The following SHB variants were observed in gnomAD, a reference collection of about 807,000 sequenced individuals.
SHB encodes SH2 domain-containing adapter protein B.
Under a neutral mutation model 52.3 loss-of-function variants are expected in SHB, and 20 were observed. The ratio of observed to expected loss-of-function variants is 0.38; its 90% CI spans 0.27 to 0.56. The LOEUF is 0.56. SHB is among the 20% of genes least tolerant of loss of function. The probability of loss-of-function intolerance (pLI) is 0.71; values close to 1 mark genes in which losing one functional copy is unlikely to be tolerated. For missense variants in SHB, 825 were observed against 723.3 expected (o/e 1.14, Z -1.61); for synonymous variants, 397 against 316.5 (o/e 1.25, Z -2.70).
chr9:37,948,596 C>T, intron 5 of SHB, 39 bp downstream of exon 5: 1 of 1,607,082 alleles, frequency 6.2e-7, no homozygotes, highest in Non-Finnish European at 8.5e-7. Flanking sequence ...CTCGCAGAGG[C>T]TGCCGAGGAG....
chr9:38,009,103 A>G (rs1347558542), intron 2 of SHB, among the ~76,000 whole-genome samples: 1 of 152,258 alleles, frequency 6.6e-6, no homozygotes, highest in East Asian at 1.9e-4. Flanking sequence ...CTGACACCCA[A>G]GCAAGACTCA....
intron 1 of SHB, among the ~76,000 whole-genome samples, chr9:38,062,085 C>T (rs1821900554): frequency 6.6e-6 from 1 of 152,146 alleles, no homozygotes; most frequent in Non-Finnish European, 1.5e-5. Flanking sequence ...CAGAGGGATG[C>T]AAGAAGAGTA....
chr9:37,954,607 C>T (rs1174964745), intron 4 of SHB, among the ~76,000 whole-genome samples: 3 of 152,140 alleles, frequency 2.0e-5, no homozygotes, highest in Non-Finnish European at 2.9e-5. Flanking sequence ...GGCTGACAAC[C>T]CTTTATTGCA....
In SHB at chr9:37,917,201, G is replaced by C; in HGVS notation, c.*2620C>G. On this transcript the variant is annotated 3_prime_UTR_variant, in exon 6 of 6. Coordinates refer to ENST00000377707, the MANE Select transcript of SHB (RefSeq NM_003028.3). ...CACAATTAGAGGAAGAAGAGGGAGAGGTTCATAAAATTAAGGGAAAAAAAT... is the reference window on the plus strand; with the variant it reads ...CACAATTAGAGGAAGAAGAGGGAGACGTTCATAAAATTAAGGGAAAAAAAT... Among the ~76,000 whole-genome samples the C allele has an allele frequency of 6.6e-6, 1 of 152,124 alleles. No homozygotes were observed. The highest frequency in any genetic ancestry group is 1.9e-4 in the East Asian group (1 of 5,194).
intron 2 of SHB, among the ~76,000 whole-genome samples, chr9:37,977,884 G>C (rs1181413638): frequency 1.3e-5 from 2 of 152,190 alleles, no homozygotes; most frequent in Non-Finnish European, 2.9e-5. Context: ...CACAGTTGAT[G>C]AAGTACTTTT....
chr9:38,000,137 A>G (rs1330704292), intron 2 of SHB, among the ~76,000 whole-genome samples: 1 of 152,198 alleles, frequency 6.6e-6, no homozygotes, highest in East Asian at 1.9e-4. Flanking sequence ...CATCCCTCCC[A>G]CAGGCAGTGG....
chr9:37,920,390 G>A (rs773118157), intron 5 of SHB, among the ~76,000 whole-genome samples: 8 of 152,202 alleles, frequency 5.3e-5, no homozygotes, highest in Non-Finnish European at 8.8e-5. Flanking sequence ...TTGCCTGACA[G>A]GTGCAAAGTG....
chr9:38,059,921 C>A (rs1821871158), intron 1 of SHB, among the ~76,000 whole-genome samples: 1 of 152,176 alleles, frequency 6.6e-6, no homozygotes, highest in Non-Finnish European at 1.5e-5. Flanking sequence ...GAGAAGCAAA[C>A]AAATTACCGG....
chr9:38,068,420 T>C lies in SHB; in HGVS notation c.226A>G (p.Ser76Gly). The C allele has an allele frequency of 6.4e-7, 1 of 1,566,654 alleles. No individual in the cohort carries two copies. The highest frequency in any genetic ancestry group is 8.6e-7 in the Non-Finnish European group (1 of 1,160,442). Residue 76 changes from serine to glycine, a missense_variant, in exon 1 of 6, where the codon AGC becomes GGC. Transcript: ENST00000377707. ...SSGSLPDDSG[S>G]TSDLIRAYRA... The stretch of plus-strand genomic sequence containing the variant: ...TAGGCGCGGATGAGGTCGCTGGTGC[T>C]GCCGCTGTCGTCGGGCAGCGAGCCC...
At chr9:37,945,742 C>T (rs906121188) in intron 5 of SHB, among the ~76,000 whole-genome samples, 2 of 152,142 alleles carry the variant, frequency 1.3e-5, no homozygotes, top group African/African-American at 4.8e-5. Context: ...CAGTCTCCCT[C>T]GACGTCCTCC....
chr9:37,974,199 T>C (rs1820625217), intron 3 of SHB, among the ~76,000 whole-genome samples: 1 of 152,100 alleles, frequency 6.6e-6, no homozygotes. Context: ...GAGGTTGCGG[T>C]GAGCCGAGAT....
At chr9:37,979,625 A>C (rs1030090172) in intron 2 of SHB, among the ~76,000 whole-genome samples, 7 of 152,040 alleles carry the variant, frequency 4.6e-5, no homozygotes, top group African/African-American at 1.7e-4. Flanking sequence ...TCCCTGAAAA[A>C]AAAAAAACAA....
At chr9:37,931,419 TG>T in intron 5 of SHB, among the ~76,000 whole-genome samples, 1 of 152,118 alleles carries the variant, frequency 6.6e-6, no homozygotes, top group Middle Eastern at 3.2e-3. Flanking sequence ...GATTATAAAA[TG>T]GGCAAAAGAC....
intron 5 of SHB, among the ~76,000 whole-genome samples, chr9:37,939,895 G>A (rs1832416494): frequency 1.3e-5 from 2 of 152,198 alleles, no homozygotes; most frequent in African/African-American, 4.8e-5. Flanking sequence ...CAGGCCCTGT[G>A]CTGGGCATGC....
intron 1 of SHB, among the ~76,000 whole-genome samples, chr9:38,029,840 T>G (rs975624115): frequency 1.3e-5 from 2 of 152,208 alleles, no homozygotes; most frequent in Non-Finnish European, 2.9e-5. Flanking sequence ...TAGACCAATA[T>G]GCATGGTAAG....
chr9:37,922,094 G>A (rs1344562974), intron 5 of SHB, among the ~76,000 whole-genome samples: 1 of 152,218 alleles, frequency 6.6e-6, no homozygotes, highest in African/African-American at 2.4e-5. Context: ...TGGGGTGCTG[G>A]ACCAGCAGGC....
At chr9:37,928,746 C>T (rs752676655) in intron 5 of SHB, among the ~76,000 whole-genome samples, 10 of 152,236 alleles carry the variant, frequency 6.6e-5, no homozygotes, top group Non-Finnish European at 7.3e-5. Flanking sequence ...TGACGAATCC[C>T]GGCTCGCCTG....
chr9:38,013,014 A>G (rs1821160105), intron 2 of SHB, among the ~76,000 whole-genome samples: 1 of 151,848 alleles, frequency 6.6e-6, no homozygotes, highest in Admixed American at 6.6e-5. Flanking sequence ...ACCCATATGC[A>G]GCCCTGCCAT....
chr9:38,021,651 C>T (rs1587248226), intron 1 of SHB, among the ~76,000 whole-genome samples: 1 of 151,286 alleles, frequency 6.6e-6, no homozygotes, highest in Non-Finnish European at 1.5e-5. Flanking sequence ...CTGGGTGACA[C>T]AGCGAGACTC....
Sources: allele counts gnomAD v4.1 joint callset (sites outside exome capture counted in the v4.1 genomes callset), GRCh38; gene constraint gnomAD v4.1.1; transcripts MANE v1.5; gene names NCBI Gene and HGNC (gene_info 2026-07-23, HGNC 2026-07-21).